PCGF3: variants seen among roughly 807,000 people sequenced by gnomAD.
The protein encoded by PCGF3 is polycomb group ring finger 3, also known as polycomb group RING finger protein 3.
In PCGF3, 7 loss-of-function variants were observed where a neutral mutation model predicts 33.1. The ratio of observed to expected loss-of-function variants is 0.21; its 90% CI spans 0.12 to 0.40. PCGF3 has a LOEUF of 0.40. PCGF3 is among the 10% of genes least tolerant of loss of function. The pLI is 1.00. For synonymous variants in PCGF3, 153 were observed against 121.3 expected, an observed-to-expected ratio of 1.26 and a Z score of -1.72; for missense variants, 211 against 313.3, an observed-to-expected ratio of 0.67 and a Z score of 2.46.
intron 1 of PCGF3, among the ~76,000 whole-genome samples, chr4:724,388 C>T (rs546082018): frequency 2.4e-4 from 37 of 152,344 alleles, no homozygotes; most frequent in African/African-American, 8.4e-4. Context: ...TGAAGCTCCA[C>T]GGAGCACCCT....
At chr4:719,011 A>G (rs1366785404) in intron 1 of PCGF3, among the ~76,000 whole-genome samples, 3 of 151,708 alleles carry the variant, frequency 2.0e-5, no homozygotes, top group Non-Finnish European at 4.4e-5. Flanking sequence ...CTGGAGTGTA[A>G]TGGCACTATC....
chr4:733,325 G>A (rs1344876984), intron 3 of PCGF3, among the ~76,000 whole-genome samples: 1 of 152,286 alleles, frequency 6.6e-6, no homozygotes, highest in East Asian at 1.9e-4. Context: ...TGCTCCTTCC[G>A]CTTTCACAGA....
rs1284371365 is a variant in PCGF3 at position 721,706 on chromosome 4, T to A, written c.-189-8924T>A. On this transcript the variant is annotated intron_variant, in intron 1 of 10. Coordinates refer to ENST00000362003, the Ensembl canonical transcript of PCGF3. This position sits in a 1 kb window ranked among gnomAD's most constrained non-coding sequence, Gnocchi z 4.1. The stretch of plus-strand genomic sequence containing the variant: ...CTGCGTGTGGGTGTGGAGAGAGGCC[T>A]GTGGGAGACGGATGGATGGGTGTCT... Among the ~76,000 whole-genome samples the A allele has an allele frequency of 6.6e-6, 1 of 150,560 alleles. No homozygotes were observed. The highest frequency in any genetic ancestry group is 6.6e-5 in the Admixed American group (1 of 15,130).
chr4:763,270 G>C (rs1226276205), intron 9 of PCGF3, among the ~76,000 whole-genome samples: 3 of 152,206 alleles, frequency 2.0e-5, no homozygotes, highest in Non-Finnish European at 4.4e-5. Flanking sequence ...GAAGTCCTTG[G>C]ATTTTCATGT....
rs941087514 is a variant in PCGF3, at chr4:754,719, G to A, written c.463-6560G>A. 3.3e-5 allele frequency among the ~76,000 whole-genome samples: 5 copies of A among 152,328 alleles called. No homozygotes were observed. In the East Asian group the frequency reaches 9.7e-4, roughly 29 times the overall value. ...ATGAGGCAGTTGGGATGTGAGATCG[G>A]GGTGTGCTGTGGGATGCAGCCTGGC... On this transcript the variant is annotated intron_variant, in intron 8 of 10. Transcript: ENST00000362003.
chr4:727,888 G>T (rs959803604), intron 1 of PCGF3, among the ~76,000 whole-genome samples: 3 of 152,176 alleles, frequency 2.0e-5, no homozygotes, highest in Non-Finnish European at 4.4e-5. Flanking sequence ...TCTCTGAGAA[G>T]AGTATGAGAC....
chr4:732,939 C>T (rs1259466052), intron 3 of PCGF3, among the ~76,000 whole-genome samples: 2 of 152,224 alleles, frequency 1.3e-5, no homozygotes, highest in East Asian at 1.9e-4. Context: ...GTCACCTCCC[C>T]GAAGGCGCAG....
intron 6 of PCGF3, among the ~76,000 whole-genome samples, 184 bp from the exon 7 acceptor site, chr4:743,290 G>T (rs560099188): frequency 3.9e-5 from 6 of 152,330 alleles, no homozygotes; most frequent in African/African-American, 1.4e-4. Flanking sequence ...CGGGTGCCCG[G>T]GGGGTGCGCT....
chr4:707,233 C>T (rs1437448174), intron 1 of PCGF3, among the ~76,000 whole-genome samples: 1 of 151,888 alleles, frequency 6.6e-6, no homozygotes, highest in Non-Finnish European at 1.5e-5. Context: ...GGGCTAGGAC[C>T]CTGGGAAGAA....
chr4:709,150 C>A (rs1438555511), intron 1 of PCGF3, among the ~76,000 whole-genome samples: 1 of 152,144 alleles, frequency 6.6e-6, no homozygotes, highest in Non-Finnish European at 1.5e-5. Flanking sequence ...AACCCTGCTC[C>A]CAGAGGGTGC....
intron 9 of PCGF3, among the ~76,000 whole-genome samples, chr4:763,207 C>T (rs1745165045): frequency 6.6e-6 from 1 of 152,162 alleles, no homozygotes; most frequent in Non-Finnish European, 1.5e-5. Flanking sequence ...GTTTGCTTTT[C>T]TGTGTAGCGA....
In PCGF3 at chr4:727,233, C is replaced by CTTTTTTTTTTTTTTTTTTTT. The variant is rs57690550; in HGVS notation, c.-189-3391_-189-3372dup. Among the ~76,000 whole-genome samples the CTTTTTTTTTTTTTTTTTTTT allele has an allele frequency of 2.9e-4, 18 of 61,900 alleles. 5 individuals carry two copies. The highest frequency in any genetic ancestry group is 8.7e-4 in the South Asian group (1 of 1,146). The allele number at this position is 61,900 out of a possible 152,430, so 40.6% of individuals were successfully genotyped here. ...AGAGGATGTGTGTGTTAGCGAGCGT[C>CTTTTTTTTTTTTTTTTTTTT]TTTTTTTTTTTTTTTTTTTTTTTTT... On this transcript the variant is annotated intron_variant, in intron 1 of 10. Coordinates refer to ENST00000362003, the Ensembl canonical transcript of PCGF3.
intron 8 of PCGF3, among the ~76,000 whole-genome samples, chr4:747,924 G>A (rs1744336169): frequency 6.6e-6 from 1 of 152,046 alleles, no homozygotes; most frequent in South Asian, 2.1e-4. Context: ...TTAGGGTAAA[G>A]CATGGCAGAT....
chr4:760,663 C>T (rs967880320), intron 8 of PCGF3, among the ~76,000 whole-genome samples: 3 of 152,260 alleles, frequency 2.0e-5, no homozygotes, highest in South Asian at 2.1e-4. Flanking sequence ...CGTCGCCCTT[C>T]CTTGTCAGGC....
chr4:719,681 G>GGCAGGACGGT (rs1742997385), intron 1 of PCGF3, among the ~76,000 whole-genome samples: 1 of 152,258 alleles, frequency 6.6e-6, no homozygotes, highest in East Asian at 1.9e-4. Context: ...GAGCTGGAGG[G>GGCAGGACGGT]GCAGGACGGT....
chr4:762,072 G>T, intron 9 of PCGF3: 1 of 985,418 alleles, frequency 1.0e-6, no homozygotes, highest in Non-Finnish European at 1.2e-6. Flanking sequence ...TGGAGAAGTG[G>T]ACAGACTTGA....
chr4:725,127 G>C (rs2109566949), intron 1 of PCGF3: 1 of 152,530 alleles, frequency 6.6e-6, no homozygotes, highest in East Asian at 1.9e-4. Context: ...ACAGGAGGGA[G>C]CTTCCCACAC....
intron 1 of PCGF3, among the ~76,000 whole-genome samples, chr4:710,438 G>A (rs907087054): frequency 5.9e-5 from 9 of 152,242 alleles, no homozygotes; most frequent in African/African-American, 2.2e-4. Context: ...ACTCCAAAAC[G>A]GTGAGCATAC....
intron 6 of PCGF3, among the ~76,000 whole-genome samples, chr4:738,512 G>A (rs1057366207): frequency 1.3e-5 from 2 of 152,132 alleles, no homozygotes; most frequent in Non-Finnish European, 2.9e-5. Context: ...CGGGATCGGG[G>A]CGGGACCCCA....
Sources: allele counts gnomAD v4.1 joint callset (sites outside exome capture counted in the v4.1 genomes callset), GRCh38; gene constraint gnomAD v4.1.1; non-coding constraint Gnocchi (gnomAD v3.1); transcripts MANE v1.5; gene names NCBI Gene and HGNC (gene_info 2026-07-23, HGNC 2026-07-21).